The following ZNF266 variants were observed in gnomAD, a reference collection of about 807,000 sequenced individuals.
ZNF266 encodes zinc finger protein 266.
A neutral mutation model predicts 16.4 loss-of-function variants in ZNF266; 16 were observed. The ratio of observed to expected loss-of-function variants is 0.98; its 90% CI spans 0.66 to 1.48. The LOEUF is 1.48. ZNF266 is among the 40% of genes most tolerant of loss of function. The pLI is 0.00. For missense variants in ZNF266, 738 were observed against 689.1 expected (o/e 1.07, Z -0.79); for synonymous variants, 262 against 237.9 (o/e 1.10, Z -0.93).
In ZNF266 at chr19:9,413,495, G is replaced by A. The variant is rs370002501; in HGVS notation, c.1631C>T (p.Thr544Met). The A allele has an allele frequency of 2.6e-5, 42 of 1,612,810 alleles. No individual in the cohort carries two copies. The highest frequency in any genetic ancestry group is 4.0e-5 in the African/African-American group (3 of 74,772). The change falls in exon 11 of 11, where the codon ACG becomes ATG. Residue 544 changes from threonine (T) to methionine (M), a missense_variant. Coordinates refer to ENST00000592904, the MANE Select transcript of ZNF266 (RefSeq NM_001370374.1). The part of the protein sequence containing the change: ...MECGKAFKFP[T>M]CVNLHMRIHT... ...GATCCGCATGTGAAGGTTAACACAC[G>A]TGGGAAACTTAAAAGCTTTGCCACA...
chr19:9,426,797 C>A lies in ZNF266; in HGVS notation c.-129-6579G>T, dbSNP rs1032609129. Among the ~76,000 whole-genome samples the A allele has an allele frequency of 2.0e-5, 3 of 152,230 alleles. No homozygotes were observed. The South Asian group carries it at 6.2e-4, about 32-fold the overall frequency. On this transcript the variant is annotated intron_variant, in intron 5 of 10. Transcript: ENST00000592904. Reference sequence around the variant, plus strand: ...CCCACTAAATTCAAACATTGTGCTCCCTAAAATCTTAAAAGGGTAACTAAA... The same window carrying A: ...CCCACTAAATTCAAACATTGTGCTCACTAAAATCTTAAAAGGGTAACTAAA...
intron 8 of ZNF266, 104 bp from the exon 9 acceptor site, chr19:9,418,012 T>C: frequency 2.5e-6 from 3 of 1,194,518 alleles, no homozygotes; most frequent in Non-Finnish European, 2.5e-6. Flanking sequence ...GTGAAATTAT[T>C]TTAAAAGGGC....
intron 9 of ZNF266, among the ~76,000 whole-genome samples, chr19:9,417,587 C>T (rs2069240009): frequency 6.6e-6 from 1 of 152,020 alleles, no homozygotes; most frequent in African/African-American, 2.4e-5. Context: ...ATTAGCCAGG[C>T]ATGGTGGCGT....
chr19:9,431,326 C>G (rs1354010765), intron 5 of ZNF266, among the ~76,000 whole-genome samples: 1 of 152,202 alleles, frequency 6.6e-6, no homozygotes, highest in African/African-American at 2.4e-5. Flanking sequence ...ATATGGACGC[C>G]ACATGCTCAA....
At position 9,413,111 on chromosome 19, in the gene ZNF266, C is replaced by T; in HGVS notation, c.*164G>A. On this transcript the variant is annotated 3_prime_UTR_variant, in exon 11 of 11. Coordinates refer to ENST00000592904, the MANE Select transcript of ZNF266 (RefSeq NM_001370374.1). ...GCTTGAGAATTCAGCAAAGTCATTTCCACATTCCCTGATGCAGGGTCTTCT... is the reference window on the plus strand; with the variant it reads ...GCTTGAGAATTCAGCAAAGTCATTTTCACATTCCCTGATGCAGGGTCTTCT... The T allele has an allele frequency of 1.2e-6, 1 of 824,890 alleles. No homozygotes were observed. Among genetic ancestry groups the T allele is most frequent in the Non-Finnish European group, 1.8e-6 (1 of 552,018 alleles). 51.1% of individuals were successfully genotyped at this position (824,890 alleles called of 1,614,324 possible). A position where few individuals can be genotyped will look rare whatever the true frequency, so the allele number is the denominator to read the frequency against.
chr19:9,429,102 C>T (rs994323788), intron 5 of ZNF266, among the ~76,000 whole-genome samples: 3 of 152,138 alleles, frequency 2.0e-5, no homozygotes, highest in Non-Finnish European at 2.9e-5. Flanking sequence ...CTTTCATTTC[C>T]CTAATAGGTC....
chr19:9,428,410 C>T (rs2071089134), intron 5 of ZNF266, among the ~76,000 whole-genome samples: 2 of 152,202 alleles, frequency 1.3e-5, no homozygotes, highest in Admixed American at 6.5e-5. Context: ...CTCCTCCCTC[C>T]CACAGGTCCC....
intron 5 of ZNF266, among the ~76,000 whole-genome samples, chr19:9,431,805 T>C (rs1470845190): frequency 1.3e-5 from 2 of 152,138 alleles, no homozygotes; most frequent in Non-Finnish European, 2.9e-5. Context: ...TACTGTAATA[T>C]GACCCCAGAG....
intron 9 of ZNF266, 56 bp from the exon 10 acceptor site, chr19:9,415,798 C>G: frequency 7.0e-7 from 1 of 1,433,458 alleles, no homozygotes; most frequent in South Asian, 1.2e-5. Context: ...ACAGATGGAG[C>G]TGAAAATGAG....
At chr19:9,416,795 C>T (rs2069099784) in intron 9 of ZNF266, among the ~76,000 whole-genome samples, 2 of 150,424 alleles carry the variant, frequency 1.3e-5, no homozygotes, top group Non-Finnish European at 3.0e-5. Context: ...CCTCAGCCTC[C>T]CTAGTAGCTG....
intron 5 of ZNF266, among the ~76,000 whole-genome samples, chr19:9,422,039 C>G (rs1599488078): frequency 6.6e-6 from 1 of 152,222 alleles, no homozygotes; most frequent in Admixed American, 6.5e-5. Context: ...TTTTAGTAGA[C>G]ACGGGGTTTC....
intron 9 of ZNF266, among the ~76,000 whole-genome samples, chr19:9,416,536 G>A (rs1734067377): frequency 6.6e-6 from 1 of 150,742 alleles, no homozygotes; most frequent in South Asian, 2.1e-4. Context: ...GCTAATTTTT[G>A]CATTTTTAGT....
Position 9,417,827 on chromosome 19 carries a change from C to T in ZNF266, c.316+1G>A, listed in dbSNP as rs1373274720. The T allele has an allele frequency of 1.2e-6, 2 of 1,613,440 alleles. No individual in the cohort carries two copies. Among genetic ancestry groups the T allele is most frequent in the Non-Finnish European group, 1.7e-6 (2 of 1,179,652 alleles). ...CAGGGCGGTCCTTTGTGAACACTCA[C>T]CTTGGAAATCACCTCTCTGCACTGT... On this transcript the variant is annotated splice_donor_variant, in intron 9 of 10. Transcript: ENST00000592904. LOFTEE classifies it high-confidence loss of function.
intron 5 of ZNF266, among the ~76,000 whole-genome samples, chr19:9,427,499 A>T (rs114417740): frequency 0.019 from 2,946 of 151,636 alleles, 59 homozygotes; most frequent in African/African-American, 0.045. Context: ...ATATATATAT[A>T]TATTTTAAGT....
In ZNF266 at chr19:9,413,874, G is replaced by A. The variant is rs1482098458; in HGVS notation, c.1252C>T (p.Pro418Ser). 1.9e-6 allele frequency: 3 copies of A among 1,614,110 alleles called. No homozygotes were observed. The Admixed American group carries it at 5.0e-5, about 27-fold the overall frequency. Residue 418 changes from proline to serine, a missense_variant, in exon 11 of 11, where the codon CCC (proline) becomes TCC (serine). Physicochemically the swap from Pro to Ser is moderately conservative, Grantham distance 74. Coordinates refer to ENST00000592904, the MANE Select transcript of ZNF266 (RefSeq NM_001370374.1). ...TTCCCACAATCCTTACATTTATAGG[G>A]TTTTATTCCAGTGTGAATTCGAAAG... ...DHFRIHTGIK[P>S]YKCKDCGKAF...
intron 9 of ZNF266, among the ~76,000 whole-genome samples, chr19:9,416,749 G>A (rs1195590747): frequency 8.3e-6 from 1 of 120,266 alleles, no homozygotes; most frequent in Admixed American, 1.1e-4. Context: ...TTGGCTCATT[G>A]CAACCTTCGG....
At chr19:9,419,705 T>A (rs1162416008) in intron 6 of ZNF266, 1 of 151,838 alleles carries the variant, frequency 6.6e-6, no homozygotes, top group Non-Finnish European at 1.5e-5. Flanking sequence ...TTCGAGACCA[T>A]CCTGGCCAAC....
rs759684135 is a variant in ZNF266 at position 9,414,427 on chromosome 19, A to G, written c.699T>C (p.Ile233=). The G allele has an allele frequency of 6.2e-7, 1 of 1,614,188 alleles. No individual in the cohort carries two copies. The highest frequency in any genetic ancestry group is 8.5e-7 in the Non-Finnish European group (1 of 1,180,022). The change falls in exon 11 of 11, where the codon ATT becomes ATC. Residue 233 remains isoleucine (I), a synonymous_variant. Transcript: ENST00000592904. The part of the protein sequence containing the change: ...FDCSDSGKSF[I]NHSHLQGHLR... The stretch of plus-strand genomic sequence containing the variant: ...AATGTCCCTGAAGGTGTGAATGATT[A>G]ATGAAGGATTTCCCAGAGTCACTGC...
At chr19:9,431,091 A>G (rs546021726) in intron 5 of ZNF266, among the ~76,000 whole-genome samples, 2 of 152,274 alleles carry the variant, frequency 1.3e-5, no homozygotes, top group African/African-American at 2.4e-5. Flanking sequence ...GCCACTCTCC[A>G]GAGACAGAAG....
Sources: allele counts gnomAD v4.1 joint callset (sites outside exome capture counted in the v4.1 genomes callset), GRCh38; gene constraint gnomAD v4.1.1; transcripts MANE v1.5; gene names NCBI Gene and HGNC (gene_info 2026-07-23, HGNC 2026-07-21).